Variants in VPS8 observed in about 807,000 individuals in gnomAD.
VPS8 encodes the protein vacuolar protein sorting-associated protein 8 homolog.
Under a neutral mutation model 216.4 loss-of-function variants are expected in VPS8, and 129 were observed. The ratio of observed to expected loss-of-function variants is 0.60; its 90% CI spans 0.52 to 0.69. The LOEUF (loss-of-function observed/expected upper bound fraction) is 0.69. Among genes scored for constraint, VPS8 ranks in the 30% least tolerant of loss-of-function variants. The pLI is 0.00. For missense variants in VPS8, 1,531 were observed against 1,683.5 expected (o/e 0.91, Z 1.59); for synonymous variants, 571 against 565.4 (o/e 1.01, Z -0.14).
At chr3:184,854,833 C>T (rs1482790834) in intron 13 of VPS8, among the ~76,000 whole-genome samples, 1 of 152,028 alleles carries the variant, frequency 6.6e-6, no homozygotes, top group African/African-American at 2.4e-5. Flanking sequence ...ATTTATATCC[C>T]AGTTTTCCCT....
At chr3:184,880,159 C>G (rs1730025761) in intron 21 of VPS8, among the ~76,000 whole-genome samples, 1 of 151,828 alleles carries the variant, frequency 6.6e-6, no homozygotes, top group Non-Finnish European at 1.5e-5. Context: ...GATCCCATAC[C>G]CTTAAACCAA....
intron 5 of VPS8, chr3:184,836,214 A>T (rs1346166231): frequency 8.8e-6 from 4 of 455,184 alleles, no homozygotes; most frequent in Non-Finnish European, 1.8e-5. Flanking sequence ...CAAGCAATAG[A>T]GGAAACCTGG....
chr3:184,897,935 T>A (rs1293768370), intron 23 of VPS8, among the ~76,000 whole-genome samples: 1 of 152,138 alleles, frequency 6.6e-6, no homozygotes, highest in East Asian at 1.9e-4. Flanking sequence ...TGCTTCTTCC[T>A]ACAGAATTCC....
intron 22 of VPS8, among the ~76,000 whole-genome samples, chr3:184,887,406 TTTC>T (rs1731480488): frequency 6.6e-6 from 1 of 150,618 alleles, no homozygotes; most frequent in African/African-American, 2.4e-5. Context: ...GGGTTTTTTT[TTTC>T]TTTTTTTTTT....
chr3:184,878,655 G>A (rs142480389), intron 21 of VPS8, among the ~76,000 whole-genome samples: 221 of 152,286 alleles, frequency 1.5e-3, no homozygotes, highest in Non-Finnish European at 2.8e-3. Context: ...GGAAAAGAGT[G>A]TTGATGTCTA....
At chr3:185,048,408 A>T in intron 46 of VPS8, 71 bp from the exon 47 acceptor site, 1 of 1,438,080 alleles carries the variant, frequency 7.0e-7, no homozygotes, top group Non-Finnish European at 9.8e-7. Context: ...ATGCTTCAGC[A>T]TCGTGTAGAG....
At chr3:184,912,203 A>G (rs1736672800) in intron 25 of VPS8, among the ~76,000 whole-genome samples, 2 of 152,228 alleles carry the variant, frequency 1.3e-5, no homozygotes, top group Admixed American at 1.3e-4. Context: ...TGCCGGCTGA[A>G]TAAAAGACTC....
intron 35 of VPS8, among the ~76,000 whole-genome samples, chr3:184,938,363 C>T (rs895768446): frequency 6.6e-6 from 1 of 152,204 alleles, no homozygotes; most frequent in African/African-American, 2.4e-5. Context: ...TGATCCTGCT[C>T]TCTAGGAAGA....
In VPS8 at chr3:184,816,207, C is replaced by A. The variant is rs1040425859; in HGVS notation, c.-89+3982C>A. On this transcript the variant is annotated intron_variant, in intron 1 of 47. Coordinates refer to ENST00000625842, the MANE Select transcript of VPS8 (RefSeq NM_001009921.3). Reference sequence around the variant, plus strand: ...ACACACATATTGATATAAAACTGATCAATAAAGTTAGAATTTCTACATTAT... The same window carrying A: ...ACACACATATTGATATAAAACTGATAAATAAAGTTAGAATTTCTACATTAT... The A allele has an allele frequency of 2.0e-5, 3 of 152,088 alleles. No individual in the cohort carries two copies. The East Asian group carries it at 5.8e-4, about 29-fold the overall frequency. 9.4% of individuals were successfully genotyped at this position (152,088 alleles called of 1,614,324 possible). A position where few individuals can be genotyped will look rare whatever the true frequency, so the allele number is the denominator to read the frequency against.
At chr3:184,973,211 A>T (rs1010591604) in intron 40 of VPS8, among the ~76,000 whole-genome samples, 2 of 152,316 alleles carry the variant, frequency 1.3e-5, no homozygotes, top group Non-Finnish European at 2.9e-5. Context: ...GGGTTTTTTT[A>T]AATTAAAATA....
At chr3:184,868,176 A>C (rs1577982256) in intron 18 of VPS8, 117 bp downstream of exon 18, 1 of 1,099,668 alleles carries the variant, frequency 9.1e-7, no homozygotes, top group East Asian at 2.4e-5. Flanking sequence ...AGAAGTGTAC[A>C]AGAAAACCAT....
intron 21 of VPS8, among the ~76,000 whole-genome samples, chr3:184,879,248 C>T (rs1257906692): frequency 1.3e-5 from 2 of 152,148 alleles, no homozygotes; most frequent in Non-Finnish European, 1.5e-5. Context: ...TCCACATTGC[C>T]TTCTTTAATA....
chr3:185,038,973 G>A (rs73885646), intron 46 of VPS8, among the ~76,000 whole-genome samples: 6,603 of 152,222 alleles, frequency 0.043, 458 homozygotes, highest in African/African-American at 0.15. Flanking sequence ...TCTTGACTGC[G>A]CTCAGCTAGG....
At chr3:185,006,699 A>G (rs1490699613) in intron 45 of VPS8, among the ~76,000 whole-genome samples, 12 of 152,196 alleles carry the variant, frequency 7.9e-5, no homozygotes, top group Admixed American at 7.9e-4. Context: ...TACACAGTGC[A>G]TGGAGAGCAG....
At chr3:185,001,776 T>C (rs1429265944) in intron 45 of VPS8, among the ~76,000 whole-genome samples, 1 of 152,178 alleles carries the variant, frequency 6.6e-6, no homozygotes, top group East Asian at 1.9e-4. Flanking sequence ...TCCAGGGGTC[T>C]CCAGCCAGCA....
intron 36 of VPS8, among the ~76,000 whole-genome samples, chr3:184,941,936 A>G (rs1398957877): frequency 6.6e-6 from 1 of 152,022 alleles, no homozygotes; most frequent in African/African-American, 2.4e-5. Context: ...GGTAATGTAA[A>G]TATCTGTCAA....
intron 29 of VPS8, among the ~76,000 whole-genome samples, chr3:184,923,346 T>G (rs184971069): frequency 2.3e-4 from 35 of 152,322 alleles, no homozygotes; most frequent in African/African-American, 6.5e-4. Flanking sequence ...CCTGTTTCAT[T>G]GTTCCTTTAA....
At chr3:184,888,618 T>C (rs1311648777) in intron 22 of VPS8, among the ~76,000 whole-genome samples, 2 of 152,094 alleles carry the variant, frequency 1.3e-5, no homozygotes, top group Non-Finnish European at 2.9e-5. Context: ...ATAAATACAG[T>C]GTAAAGAGAG....
At chr3:184,821,939 G>A (rs1303290685) in intron 1 of VPS8, among the ~76,000 whole-genome samples, 1 of 152,074 alleles carries the variant, frequency 6.6e-6, no homozygotes, top group Non-Finnish European at 1.5e-5. Context: ...CTTATACTAA[G>A]GGATTTTTGA....
Sources: allele counts gnomAD v4.1 joint callset (sites outside exome capture counted in the v4.1 genomes callset), GRCh38; gene constraint gnomAD v4.1.1; transcripts MANE v1.5; gene names NCBI Gene and HGNC (gene_info 2026-07-23, HGNC 2026-07-21).